The following CNTLN variants were observed in gnomAD, a reference collection of about 807,000 sequenced individuals.
CNTLN encodes centlein, centrosomal protein.
CNTLN carries 212 observed loss-of-function variants against 180.0 expected under a neutral mutation model. That is an observed-to-expected ratio of 1.18 (90% CI 1.05 to 1.32). The LOEUF (loss-of-function observed/expected upper bound fraction) is 1.32. Ranked by LOEUF, CNTLN falls within the 40% of genes most tolerant of loss-of-function variation. The pLI is 0.00. For missense variants in CNTLN, 2,095 were observed against 1,610.9 expected, an observed-to-expected ratio of 1.30 and a Z score of -5.14; for synonymous variants, 722 against 563.1, an observed-to-expected ratio of 1.28 and a Z score of -3.99.
At chr9:17,141,244 C>T (rs771837622) in intron 1 of CNTLN, among the ~76,000 whole-genome samples, 3 of 151,708 alleles carry the variant, frequency 2.0e-5, no homozygotes, top group African/African-American at 4.8e-5. Flanking sequence ...ACAAGTAAAA[C>T]CAAATCACTA....
At chr9:17,168,362 T>G (rs942250677) in intron 2 of CNTLN, 2 of 152,060 alleles carry the variant, frequency 1.3e-5, no homozygotes, top group Admixed American at 1.3e-4. Flanking sequence ...GCAAAGAAAG[T>G]AAAAAAAGAA....
the CNTLN span, among the ~76,000 whole-genome samples, chr9:17,513,061 C>T: frequency 0.049 from 7,522 of 152,162 alleles, 600 homozygotes; most frequent in African/African-American, 0.17. Context: ...CCTCGTGATC[C>T]GCCCTCCTTG....
chr9:17,364,209 A>G (rs1322800152), intron 12 of CNTLN, among the ~76,000 whole-genome samples: 1 of 151,828 alleles, frequency 6.6e-6, no homozygotes, highest in Non-Finnish European at 1.5e-5. Flanking sequence ...TCCCATCTGT[A>G]CTCCTGCCTT....
At chr9:17,179,002 T>C (rs954832103) in intron 2 of CNTLN, among the ~76,000 whole-genome samples, 2 of 151,594 alleles carry the variant, frequency 1.3e-5, no homozygotes, top group African/African-American at 4.9e-5. Context: ...CCCAGCACTT[T>C]GGGAGGCCGA....
intron 23 of CNTLN, among the ~76,000 whole-genome samples, chr9:17,467,419 C>G (rs953180006): frequency 2.6e-5 from 4 of 151,614 alleles, no homozygotes; most frequent in East Asian, 1.9e-4. Flanking sequence ...AGCCTTCATT[C>G]CCCTAGACAT....
At chr9:17,186,339 T>G (rs1409578891) in intron 2 of CNTLN, among the ~76,000 whole-genome samples, 1 of 152,146 alleles carries the variant, frequency 6.6e-6, no homozygotes, top group Non-Finnish European at 1.5e-5. Flanking sequence ...TGGGTAGTTG[T>G]CATGTTAAAA....
intron 25 of CNTLN, among the ~76,000 whole-genome samples, chr9:17,490,695 A>G (rs536596240): frequency 2.1e-4 from 32 of 152,214 alleles, no homozygotes; most frequent in Admixed American, 6.6e-4. Flanking sequence ...CCAATGATTT[A>G]TATACTTTAA....
the CNTLN span, among the ~76,000 whole-genome samples, chr9:17,526,886 A>C: frequency 1.3e-5 from 2 of 151,556 alleles, no homozygotes; most frequent in East Asian, 3.9e-4. Context: ...TGTGTCACCC[A>C]GGCTGGATTT....
At chr9:17,402,378 C>T (rs897439702) in intron 15 of CNTLN, among the ~76,000 whole-genome samples, 8 of 151,602 alleles carry the variant, frequency 5.3e-5, no homozygotes, top group African/African-American at 1.5e-4. Context: ...AATTGGTGTC[C>T]GGAGAAAAGA....
At chr9:17,489,423 A>G (rs1489117985) in intron 25 of CNTLN, among the ~76,000 whole-genome samples, 1 of 152,034 alleles carries the variant, frequency 6.6e-6, no homozygotes, top group Non-Finnish European at 1.5e-5. Flanking sequence ...AAATATTTTG[A>G]TAAAATTATT....
Position 17,264,976 on chromosome 9 carries a change from T to C in CNTLN, c.850-8757T>C, listed in dbSNP as rs1421660864. Among the ~76,000 whole-genome samples, 16 of 144,790 alleles carry C rather than the reference T, an allele frequency of 1.1e-4. 1 individual carries two copies. Among genetic ancestry groups the C allele is most frequent in the African/African-American group, 4.0e-4 (15 of 37,762 alleles). 95.0% of individuals were successfully genotyped at this position (144,790 alleles called of 152,430 possible). ...GGGGTTTTCTAGATATAGAATCATGTCATCTGCAAACAGGGACAATTTGAC... is the reference window on the plus strand; with the variant it reads ...GGGGTTTTCTAGATATAGAATCATGCCATCTGCAAACAGGGACAATTTGAC... On this transcript the variant is annotated intron_variant, in intron 5 of 25. Transcript: ENST00000380647.
At chr9:17,183,830 G>A (rs534829067) in intron 2 of CNTLN, among the ~76,000 whole-genome samples, 1 of 151,964 alleles carries the variant, frequency 6.6e-6, no homozygotes, top group African/African-American at 2.4e-5. Context: ...TATCCCAAAG[G>A]CATTTCTAAT....
At chr9:17,500,130 A>G (rs1370339487) in intron 25 of CNTLN, among the ~76,000 whole-genome samples, 1 of 152,192 alleles carries the variant, frequency 6.6e-6, no homozygotes, top group African/African-American at 2.4e-5. Context: ...GAAATCCAAA[A>G]TGTGTTATCC....
chr9:17,426,830 C>T (rs1279143699), intron 18 of CNTLN, among the ~76,000 whole-genome samples: 2 of 151,824 alleles, frequency 1.3e-5, no homozygotes, highest in East Asian at 3.9e-4. Flanking sequence ...ATTCCTTGAA[C>T]CCTGTCTTTG....
chr9:17,473,330 A>G (rs953565443), intron 23 of CNTLN, among the ~76,000 whole-genome samples: 2 of 152,132 alleles, frequency 1.3e-5, no homozygotes, highest in African/African-American at 4.8e-5. Context: ...AACAGAAGCA[A>G]CCCAGAGATA....
At chr9:17,498,847 C>T (rs1350937050) in intron 25 of CNTLN, among the ~76,000 whole-genome samples, 1 of 152,118 alleles carries the variant, frequency 6.6e-6, no homozygotes, top group African/African-American at 2.4e-5. Context: ...AAGATCTTTG[C>T]TGTGGTCAGT....
chr9:17,520,042 A>G, the CNTLN span, among the ~76,000 whole-genome samples: 2 of 152,240 alleles, frequency 1.3e-5, no homozygotes, highest in Non-Finnish European at 2.9e-5. Context: ...TTATCAGGAA[A>G]GATGCCTCAC....
At chr9:17,168,185 G>T (rs764726605) in intron 2 of CNTLN, 2 of 152,162 alleles carry the variant, frequency 1.3e-5, no homozygotes, top group African/African-American at 4.8e-5. Context: ...TTGATTCTAT[G>T]TGTTGGTTAG....
At chr9:17,364,790 A>C (rs889288950) in intron 12 of CNTLN, among the ~76,000 whole-genome samples, 2 of 152,126 alleles carry the variant, frequency 1.3e-5, no homozygotes, top group African/African-American at 4.8e-5. Context: ...TGAACCCTCC[A>C]GTATACTCTG....
Sources: gnomAD v4.1 joint callset for allele counts (sites outside exome capture counted in the v4.1 genomes callset) on GRCh38, gnomAD v4.1.1 for gene constraint, MANE v1.5 for transcripts, NCBI Gene and HGNC (gene_info 2026-07-23, HGNC 2026-07-21) for gene names.